The following CRY1 variants were observed in gnomAD, a reference collection of about 807,000 sequenced individuals.
The protein encoded by CRY1 is cryptochrome circadian regulator 1, also known as cryptochrome-1.
In CRY1, 45 loss-of-function variants were observed where a neutral mutation model predicts 76.0. The ratio of observed to expected loss-of-function variants is 0.59; its 90% CI spans 0.47 to 0.76. CRY1 has a LOEUF of 0.76. CRY1 is among the 30% of genes least tolerant of loss of function. CRY1 has a pLI of 0.00. For synonymous variants in CRY1, 248 were observed against 244.0 expected (o/e 1.02, Z -0.15); for missense variants, 587 against 716.4 (o/e 0.82, Z 2.06).
chr12:107,001,619 T>G (rs925230788), intron 4 of CRY1, 145 bp downstream of exon 4: 38 of 715,786 alleles, frequency 5.3e-5, no homozygotes, highest in Non-Finnish European at 7.1e-5. Context: ...TATCACTTCT[T>G]AAAGGGTTCT....
intron 5 of CRY1, among the ~76,000 whole-genome samples, 168 bp from the exon 6 acceptor site, chr12:107,000,250 G>T (rs1482094829): frequency 6.6e-6 from 1 of 152,010 alleles, no homozygotes; most frequent in Non-Finnish European, 1.5e-5. Context: ...ATAAAAAAGT[G>T]AGCATTCTTT....
At chr12:107,074,822 CT>C (rs1309628286) in intron 1 of CRY1, among the ~76,000 whole-genome samples, 2 of 152,090 alleles carry the variant, frequency 1.3e-5, no homozygotes, top group Non-Finnish European at 2.9e-5. Flanking sequence ...CAAGAAAAGC[CT>C]GGCCAACATG....
At chr12:107,062,738 T>C (rs1953062446) in intron 1 of CRY1, among the ~76,000 whole-genome samples, 1 of 152,214 alleles carries the variant, frequency 6.6e-6, no homozygotes, top group Admixed American at 6.5e-5. Flanking sequence ...CTGACTCTTT[T>C]ACATTGTATA....
intron 1 of CRY1, among the ~76,000 whole-genome samples, chr12:107,059,248 T>G (rs183261204): frequency 1.1e-4 from 17 of 152,012 alleles, no homozygotes; most frequent in African/African-American, 3.6e-4. Context: ...GGGACATGAA[T>G]AGAGATTTTG....
intron 1 of CRY1, among the ~76,000 whole-genome samples, chr12:107,059,010 A>G (rs982944519): frequency 2.0e-5 from 3 of 152,212 alleles, no homozygotes; most frequent in South Asian, 2.1e-4. Context: ...TCCTCATCTA[A>G]TAAGTGGACG....
At chr12:107,082,005 C>T (rs543730415) in intron 1 of CRY1, among the ~76,000 whole-genome samples, 135 of 151,904 alleles carry the variant, frequency 8.9e-4, no homozygotes, top group African/African-American at 2.7e-3. Flanking sequence ...TATCTAAAAA[C>T]ATAAAAGCAG....
chr12:107,084,973 CAA>C (rs200581722), intron 1 of CRY1, among the ~76,000 whole-genome samples: 2 of 101,952 alleles, frequency 2.0e-5, no homozygotes, highest in African/African-American at 3.6e-5. Context: ...AACAAATTTA[CAA>C]AAAAAAAAAA....
At chr12:107,064,253 C>G (rs1953084548) in intron 1 of CRY1, among the ~76,000 whole-genome samples, 2 of 151,954 alleles carry the variant, frequency 1.3e-5, no homozygotes, top group Admixed American at 1.3e-4. Flanking sequence ...AAAGAACTCT[C>G]AAAACTCAGT....
At chr12:107,032,018 T>G (rs1052531309) in intron 1 of CRY1, among the ~76,000 whole-genome samples, 1 of 152,214 alleles carries the variant, frequency 6.6e-6, no homozygotes, top group Non-Finnish European at 1.5e-5. Flanking sequence ...CACTGCAACC[T>G]CCACCTCCCG....
At chr12:107,044,538 G>A (rs888906629) in intron 1 of CRY1, among the ~76,000 whole-genome samples, 5 of 152,168 alleles carry the variant, frequency 3.3e-5, no homozygotes, top group Admixed American at 2.0e-4. Context: ...CTCTATGAAA[G>A]ATATTTTAGG....
chr12:107,028,762 T>C (rs774032224), intron 1 of CRY1, among the ~76,000 whole-genome samples: 1 of 152,184 alleles, frequency 6.6e-6, no homozygotes, highest in Non-Finnish European at 1.5e-5. Flanking sequence ...CTAACACAGT[T>C]GTGTTACTGG....
intron 2 of CRY1, among the ~76,000 whole-genome samples, chr12:107,010,786 G>A (rs1952436335): frequency 7.6e-6 from 1 of 132,410 alleles, no homozygotes; most frequent in East Asian, 2.5e-4. Flanking sequence ...TTGTTTTGGG[G>A]TGCCATGAAT....
At chr12:107,004,419 AG>A (rs1268771051) in intron 3 of CRY1, among the ~76,000 whole-genome samples, 1 of 152,238 alleles carries the variant, frequency 6.6e-6, no homozygotes, top group Non-Finnish European at 1.5e-5. Flanking sequence ...ATAAATTATA[AG>A]ATTTCAGTAC....
chr12:107,030,336 C>T (rs1189985381), intron 1 of CRY1, among the ~76,000 whole-genome samples: 3 of 152,086 alleles, frequency 2.0e-5, no homozygotes, highest in Admixed American at 1.3e-4. Flanking sequence ...CATTTCCATA[C>T]CCAGGTAAAC....
At chr12:107,053,056 C>G (rs1297719181) in intron 1 of CRY1, among the ~76,000 whole-genome samples, 1 of 151,992 alleles carries the variant, frequency 6.6e-6, no homozygotes, top group African/African-American at 2.4e-5. Flanking sequence ...ATTTTGAAGG[C>G]AGAGCCCATA....
intron 2 of CRY1, among the ~76,000 whole-genome samples, chr12:107,007,474 A>C (rs186328726): frequency 3.9e-5 from 6 of 152,262 alleles, no homozygotes; most frequent in Non-Finnish European, 8.8e-5. Flanking sequence ...TAGAGTGTTT[A>C]GGACAGAGCA....
chr12:107,023,413 AC>A (rs1952578585), intron 1 of CRY1, among the ~76,000 whole-genome samples: 1 of 152,212 alleles, frequency 6.6e-6, no homozygotes, highest in African/African-American at 2.4e-5. Context: ...TGGCTACCAT[AC>A]TGAACAGTAT....
At chr12:107,001,732 C>A (rs1317682533) in intron 4 of CRY1, 32 bp downstream of exon 4, 4 of 1,473,402 alleles carry the variant, frequency 2.7e-6, no homozygotes, top group Non-Finnish European at 3.6e-6. Flanking sequence ...TATTAACTTG[C>A]AAGCCTCACA....
chr12:107,056,362 G>A (rs1952982110), intron 1 of CRY1, among the ~76,000 whole-genome samples: 1 of 152,196 alleles, frequency 6.6e-6, no homozygotes, highest in Non-Finnish European at 1.5e-5. Context: ...CAGCCCTTAG[G>A]TGGATTTTCA....
Sources: gnomAD v4.1 joint callset for allele counts (sites outside exome capture counted in the v4.1 genomes callset) on GRCh38, gnomAD v4.1.1 for gene constraint, MANE v1.5 for transcripts, NCBI Gene and HGNC (gene_info 2026-07-23, HGNC 2026-07-21) for gene names.